Variants in RBFOX1 observed in about 807,000 individuals in gnomAD.
RBFOX1 encodes RNA binding protein fox-1 homolog 1.
Under a neutral mutation model 57.7 loss-of-function variants are expected in RBFOX1, and 8 were observed. The ratio of observed to expected loss-of-function variants is 0.14; its 90% CI spans 0.08 to 0.25. The LOEUF (loss-of-function observed/expected upper bound fraction) is 0.25, where lower values mean the gene tolerates loss of function less well. Among genes scored for constraint, RBFOX1 ranks in the 10% least tolerant of loss-of-function variants. The pLI, the probability that RBFOX1 is intolerant of heterozygous loss-of-function variation, is 1.00. For synonymous variants in RBFOX1, 326 were observed against 222.4 expected (o/e 1.47, Z -4.15); for missense variants, 611 against 548.5 (o/e 1.11, Z -1.14).
intron 4 of RBFOX1, among the ~76,000 whole-genome samples, chr16:5,892,741 G>A (rs182736879): frequency 8.6e-4 from 131 of 152,260 alleles, no homozygotes; most frequent in African/African-American, 2.9e-3. Flanking sequence ...CAGGGGTAGT[G>A]GGGAGAAAAT....
At chr16:6,964,318 A>G (rs1415153320) in intron 3 of RBFOX1, among the ~76,000 whole-genome samples, 2 of 152,190 alleles carry the variant, frequency 1.3e-5, no homozygotes, top group Non-Finnish European at 2.9e-5. Flanking sequence ...TGTGCCTGGC[A>G]GCATAGAGGA....
chr16:6,869,439 T>C (rs2060490414), intron 3 of RBFOX1, among the ~76,000 whole-genome samples: 1 of 150,218 alleles, frequency 6.7e-6, no homozygotes, highest in South Asian at 2.1e-4. Context: ...ATCTGTCTTG[T>C]ATTAGGAAGG....
intron 1 of RBFOX1, among the ~76,000 whole-genome samples, chr16:5,348,788 C>T (rs776276755): frequency 6.6e-6 from 1 of 152,192 alleles, no homozygotes; most frequent in Non-Finnish European, 1.5e-5. Context: ...TATTGAAAAC[C>T]TCACTGCATT....
intron 4 of RBFOX1, among the ~76,000 whole-genome samples, chr16:7,311,568 C>T (rs1427401523): frequency 6.6e-6 from 1 of 151,228 alleles, no homozygotes; most frequent in African/African-American, 2.4e-5. Context: ...ACAAACATCC[C>T]CGGTTTTTCC....
intron 4 of RBFOX1, among the ~76,000 whole-genome samples, chr16:7,161,646 A>G (rs1325784063): frequency 1.3e-5 from 2 of 152,164 alleles, no homozygotes; most frequent in Non-Finnish European, 2.9e-5. Context: ...CTATGGAGGT[A>G]AGGAAGAGGA....
At chr16:5,437,387 A>G (rs959451664) in intron 1 of RBFOX1, among the ~76,000 whole-genome samples, 1 of 152,170 alleles carries the variant, frequency 6.6e-6, no homozygotes, top group African/African-American at 2.4e-5. Flanking sequence ...GAAAACCTTA[A>G]AGAGACCTTG....
chr16:6,984,680 G>T (rs895827357), intron 3 of RBFOX1, among the ~76,000 whole-genome samples: 6 of 152,056 alleles, frequency 3.9e-5, no homozygotes, highest in South Asian at 2.1e-4. Context: ...AGTCTCTGTT[G>T]ACCAGGCTGG....
chr16:5,701,584 C>T (rs1159282439), intron 3 of RBFOX1, among the ~76,000 whole-genome samples: 1 of 152,122 alleles, frequency 6.6e-6, no homozygotes, highest in Non-Finnish European at 1.5e-5. Flanking sequence ...CACACTGTAC[C>T]ACACCTGGCT....
chr16:7,044,778 A>T (rs59897842), intron 3 of RBFOX1, among the ~76,000 whole-genome samples: 1 of 152,134 alleles, frequency 6.6e-6, no homozygotes, highest in African/African-American at 2.4e-5. Context: ...TTTCAAGGCT[A>T]GCTTTTAAAG....
intron 3 of RBFOX1, among the ~76,000 whole-genome samples, chr16:6,965,315 T>TTGTGTGTGTGTG (rs57603257): frequency 6.8e-6 from 1 of 147,552 alleles, no homozygotes; most frequent in African/African-American, 2.5e-5. Context: ...TTTTCTTTTG[T>TTGTGTGTGTGTG]TGTGTGTGTG....
chr16:6,214,384 TGAGAGG>T (rs1275581218), intron 1 of RBFOX1, among the ~76,000 whole-genome samples: 1 of 87,864 alleles, frequency 1.1e-5, no homozygotes, highest in Non-Finnish European at 2.4e-5. Flanking sequence ...AGAGTGAGAG[TGAGAGG>T]GAGAGGGACA....
intron 4 of RBFOX1, among the ~76,000 whole-genome samples, chr16:7,117,524 A>G (rs2066176580): frequency 6.6e-6 from 1 of 152,148 alleles, no homozygotes; most frequent in Non-Finnish European, 1.5e-5. Context: ...CAATTACTTA[A>G]TGTGTGAGTT....
intron 2 of RBFOX1, among the ~76,000 whole-genome samples, chr16:6,493,548 C>T (rs1049229185): frequency 6.6e-6 from 1 of 152,132 alleles, no homozygotes; most frequent in Non-Finnish European, 1.5e-5. Flanking sequence ...ACATGAATAG[C>T]TGTGTATGAA....
At chr16:7,305,529 C>A (rs2096159635) in intron 4 of RBFOX1, among the ~76,000 whole-genome samples, 1 of 152,142 alleles carries the variant, frequency 6.6e-6, no homozygotes, top group East Asian at 1.9e-4. Flanking sequence ...TGTTTTTCCA[C>A]GGACTCACTT....
At chr16:6,507,044 C>G (rs140762379) in intron 2 of RBFOX1, among the ~76,000 whole-genome samples, 16 of 152,226 alleles carry the variant, frequency 1.1e-4, no homozygotes, top group Non-Finnish European at 1.9e-4. Flanking sequence ...CAACCCTACG[C>G]TGTCCATCTG....
chr16:5,714,679 A>T (rs957802671), intron 3 of RBFOX1, among the ~76,000 whole-genome samples: 3 of 152,268 alleles, frequency 2.0e-5, no homozygotes, highest in African/African-American at 7.2e-5. Flanking sequence ...GCAAGAGTAT[A>T]AACAGTTTGT....
chr16:6,290,762 C>G (rs771773082), intron 1 of RBFOX1, among the ~76,000 whole-genome samples: 1 of 152,092 alleles, frequency 6.6e-6, no homozygotes, highest in East Asian at 1.9e-4. Flanking sequence ...ATTGTTATTT[C>G]CACTTTAAAA....
At chr16:6,391,509 C>CAAAA (rs538935947) in intron 2 of RBFOX1, among the ~76,000 whole-genome samples, 1 of 78,326 alleles carries the variant, frequency 1.3e-5, no homozygotes, top group Non-Finnish European at 2.8e-5. Flanking sequence ...GACTCCGTCT[C>CAAAA]AAAAAAAAAA....
chr16:6,171,139 G>T (rs1030144666), intron 1 of RBFOX1, among the ~76,000 whole-genome samples: 1 of 152,130 alleles, frequency 6.6e-6, no homozygotes, highest in African/African-American at 2.4e-5. Flanking sequence ...TGGTAGTTCT[G>T]TTTTTAGGTA....
Sources: gnomAD v4.1 joint callset for allele counts (sites outside exome capture counted in the v4.1 genomes callset) on GRCh38, gnomAD v4.1.1 for gene constraint, MANE v1.5 for transcripts, NCBI Gene and HGNC (gene_info 2026-07-23, HGNC 2026-07-21) for gene names.